PLA2G4B: variants seen among roughly 807,000 people sequenced by gnomAD.
PLA2G4B encodes the protein cytosolic phospholipase A2 beta.
Under a neutral mutation model 95.8 loss-of-function variants are expected in PLA2G4B, and 122 were observed. The observed-to-expected ratio is 1.27, with a 90% CI of 1.10 to 1.48. The LOEUF (loss-of-function observed/expected upper bound fraction) is 1.48, where lower values mean the gene tolerates loss of function less well. Ranked by LOEUF, PLA2G4B falls within the 40% of genes most tolerant of loss-of-function variation. The probability of loss-of-function intolerance (pLI) is 0.00; values close to 1 mark genes in which losing one functional copy is unlikely to be tolerated. For synonymous variants in PLA2G4B, 518 were observed against 421.5 expected (o/e 1.23, Z -2.80); for missense variants, 1,158 against 996.2 (o/e 1.16, Z -2.19).
At chr15:41,844,341 C>A (rs926609029) in intron 11 of PLA2G4B, 130 bp from the exon 12 acceptor site, 14 of 1,471,918 alleles carry the variant, frequency 9.5e-6, no homozygotes, top group East Asian at 2.3e-5. Flanking sequence ...TGACTGAGAA[C>A]TGGTCCCAAG....
At position 41,847,651 on chromosome 15, in the gene PLA2G4B, G is replaced by A. The variant is rs752052744; in HGVS notation, c.2137G>A (p.Val713Ile). The change falls in exon 20 of 20, where the codon GTC (valine) becomes ATC (isoleucine). Residue 713 changes from valine to isoleucine, a missense_variant and splice_region_variant. By Grantham distance (29) the Val-to-Ile change is conservative (BLOSUM62 3). Transcript: ENST00000458483. ...DSFREYSAPG[V>I]RRTPEEAAAG... is the part of the protein sequence containing the mutation. Reference sequence around the variant, plus strand: ...GCCAGGCTGCACTCTCTCCACAGGGGTCCGGCGGACACCCGAGGAGGCGGC... The same window carrying A: ...GCCAGGCTGCACTCTCTCCACAGGGATCCGGCGGACACCCGAGGAGGCGGC... The A allele has an allele frequency of 6.2e-7, 1 of 1,613,498 alleles. No homozygotes were observed. Among genetic ancestry groups the A allele is most frequent in the African/African-American group, 1.3e-5 (1 of 74,918 alleles).
chr15:41,842,185 C>T lies in PLA2G4B; in HGVS notation c.622-8C>T. The T allele has an allele frequency of 1.2e-6, 2 of 1,613,692 alleles. No individual in the cohort carries two copies. Among genetic ancestry groups the T allele is most frequent in the Non-Finnish European group, 1.7e-6 (2 of 1,179,852 alleles). On this transcript the variant is annotated splice_region_variant and splice_polypyrimidine_tract_variant and intron_variant, in intron 8 of 19. Transcript: ENST00000458483. Reference sequence around the variant, plus strand: ...GATTCTTAGGTCTGCATTCTTTGTCCCCTGCAGGATGCCCCCGAGGAGCAA... The same window carrying T: ...GATTCTTAGGTCTGCATTCTTTGTCTCCTGCAGGATGCCCCCGAGGAGCAA...
Position 41,846,816 on chromosome 15 carries a change from A to C in PLA2G4B, c.1928A>C (p.Asn643Thr). ...DVDLILSLDY[N>T]LHGAFQQLQL... ...GACCTCATCCTGTCATTGGACTACA[A>C]CCTCCACGGAGCCTTCCAGGTTGGG... is the stretch of plus-strand genomic sequence containing the variant. Residue 643 changes from asparagine to threonine, a missense_variant, in exon 18 of 20, where the codon AAC becomes ACC. Asn to Thr is a moderately conservative substitution (Grantham distance 65). Coordinates refer to ENST00000458483, the MANE Select transcript of PLA2G4B (RefSeq NM_001114633.2). 1 of 1,611,504 alleles carries C rather than the reference A, an allele frequency of 6.2e-7. No homozygotes were observed. Among genetic ancestry groups the C allele is most frequent in the Non-Finnish European group, 8.5e-7 (1 of 1,178,296 alleles).
intron 11 of PLA2G4B, among the ~76,000 whole-genome samples, chr15:41,844,090 A>G (rs952721603): frequency 1.3e-5 from 2 of 152,200 alleles, no homozygotes; most frequent in Admixed American, 6.5e-5. Context: ...GATATCTGGT[A>G]TGAGGCCTGT....
rs772641276 is a variant in PLA2G4B, at chr15:41,846,180, T to C, written c.1601-23T>C. On this transcript the variant is annotated intron_variant, in intron 16 of 19. Transcript: ENST00000458483. ...GGGGATAAAGGTGCAGGAGTCCCCA[T>C]TTCCCCCACCTTGCCTGTGTAGACA... 27 of 1,603,986 alleles carry C rather than the reference T, an allele frequency of 1.7e-5. No homozygotes were observed. In the African/African-American group the frequency reaches 3.2e-4, roughly 19 times the overall value.
chr15:41,844,789 G>A (rs765294295), intron 12 of PLA2G4B, 59 bp from the exon 13 acceptor site: 2 of 1,546,316 alleles, frequency 1.3e-6, no homozygotes, highest in Non-Finnish European at 1.7e-6. Flanking sequence ...CGGGGCACGT[G>A]GGGTCTAGAC....
rs758475170 is a variant in PLA2G4B, at chr15:41,841,907, C to T, written c.579C>T (p.His193=). The T allele has an allele frequency of 1.2e-6, 2 of 1,613,256 alleles. No homozygotes were observed. The highest frequency in any genetic ancestry group is 1.7e-6 in the Non-Finnish European group (2 of 1,179,878). Residue 193 remains histidine (H), a synonymous_variant, in exon 8 of 20, where the codon CAC becomes CAT. Coordinates refer to ENST00000458483, the MANE Select transcript of PLA2G4B (RefSeq NM_001114633.2). The stretch of plus-strand genomic sequence containing the variant: ...TGGGCACTGGCACCTTCCGCTTCCA[C>T]TGCCCAGCCTGCTGGGAGCAGGAGC... The part of the protein sequence containing the change: ...ASVGTGTFRF[H]CPACWEQELS...
At chr15:41,846,971 CCAGAGGAGCT>C (rs2065567601) in intron 18 of PLA2G4B, 136 bp downstream of exon 18, 2 of 1,225,440 alleles carry the variant, frequency 1.6e-6, no homozygotes, top group South Asian at 1.8e-5. Flanking sequence ...TAATTTGCCA[CCAGAGGAGCT>C]CATTCTTTTC....
intron 18 of PLA2G4B, 146 bp downstream of exon 18, chr15:41,846,981 T>G (rs2065567921): frequency 1.7e-6 from 2 of 1,193,884 alleles, no homozygotes; most frequent in South Asian, 3.7e-5. Context: ...CCAGAGGAGC[T>G]CATTCTTTTC....
rs558766418 is a variant in PLA2G4B at position 41,842,442 on chromosome 15, G to A, written c.706-112G>A. On this transcript the variant is annotated intron_variant, in intron 9 of 19. Coordinates refer to ENST00000458483, the MANE Select transcript of PLA2G4B (RefSeq NM_001114633.2). ...TGAGCATCCCTGCTTCAGGCCTGGC[G>A]CCTGTGGAGACGGTGGCGGGGCGGG... 73 of 1,572,094 alleles carry A rather than the reference G, an allele frequency of 4.6e-5. 1 individual carries two copies. Among genetic ancestry groups the A allele is most frequent in the Middle Eastern group, 4.0e-4 (2 of 4,970 alleles).
chr15:41,844,570 T>C lies in PLA2G4B; in HGVS notation c.979T>C (p.Cys327Arg). ...AGLKELGLLDCVSYITGASGS... is the reference protein window; with the variant it reads ...AGLKELGLLDRVSYITGASGS... Reference sequence around the variant, plus strand: ...CCTGAAGGAGCTGGGCCTCTTGGATTGCGTCTCCTACATCACCGGGGCCTC... The same window carrying C: ...CCTGAAGGAGCTGGGCCTCTTGGATCGCGTCTCCTACATCACCGGGGCCTC... The change falls in exon 12 of 20, where the codon TGC (cysteine) becomes CGC (arginine). Residue 327 changes from cysteine (C) to arginine (R), a missense_variant. Physicochemically the swap from Cys to Arg is radical, Grantham distance 180. Coordinates refer to ENST00000458483, the MANE Select transcript of PLA2G4B (RefSeq NM_001114633.2). 1 of 1,614,166 alleles carries C rather than the reference T, an allele frequency of 6.2e-7. No individual in the cohort carries two copies. Among genetic ancestry groups the C allele is most frequent in the Non-Finnish European group, 8.5e-7 (1 of 1,180,014 alleles).
chr15:41,843,852 T>G, intron 11 of PLA2G4B, 41 bp downstream of exon 11: 1 of 1,605,854 alleles, frequency 6.2e-7, no homozygotes, highest in Non-Finnish European at 8.5e-7. Context: ...CGGGCTTGCT[T>G]GGGCCTAGCT....
chr15:41,841,970 G>A (rs760264485), intron 8 of PLA2G4B, 21 bp downstream of exon 8: 4 of 1,603,258 alleles, frequency 2.5e-6, no homozygotes, highest in East Asian at 2.2e-5. Context: ...TCGCTCCCTC[G>A]AGGTGGGGCC....
At position 41,843,751 on chromosome 15, in the gene PLA2G4B, G is replaced by A; in HGVS notation, c.819G>A (p.Gln273=). The A allele has an allele frequency of 1.2e-6, 2 of 1,614,132 alleles. No homozygotes were observed. The highest frequency in any genetic ancestry group is 1.1e-5 in the South Asian group (1 of 91,082). ...EEQAFLSRRK[Q]VVAAALRQAL... ...AGGCCTTCCTGAGCAGGAGGAAGCA[G>A]GTGGTGGCCGCGGCCTTGAGGCAGG... is the stretch of plus-strand genomic sequence containing the variant. Residue 273 remains glutamine, a synonymous_variant, in exon 11 of 20, where the codon CAG becomes CAA. Transcript: ENST00000458483.
Position 41,841,291 on chromosome 15 carries a change from C to G in PLA2G4B, c.435+18C>G, listed in dbSNP as rs760521682. On this transcript the variant is annotated intron_variant, in intron 6 of 19. Transcript: ENST00000458483. The stretch of plus-strand genomic sequence containing the variant: ...TTCTGGTGGTGAGTGTGCCAGTGCT[C>G]TGGGAGGCGGTCTGGGGTCCCCGGG... The G allele has an allele frequency of 6.2e-7, 1 of 1,612,086 alleles. No homozygotes were observed. The highest frequency in any genetic ancestry group is 8.5e-7 in the Non-Finnish European group (1 of 1,179,974).
rs144031352 is a variant in PLA2G4B at position 41,845,025 on chromosome 15, C to T, written c.1194C>T (p.Phe398=). The change falls in exon 13 of 20, where the codon TTC becomes TTT. Residue 398 remains phenylalanine, a synonymous_variant. Coordinates refer to ENST00000458483, the MANE Select transcript of PLA2G4B (RefSeq NM_001114633.2). The part of the protein sequence containing the change: ...ERARLGYPSC[F]TNLWALINEA... ...CCCGCTTGGGCTACCCAAGCTGCTTCACCAACCTGTGGGCCCTCATCAACG... is the reference window on the plus strand; with the variant it reads ...CCCGCTTGGGCTACCCAAGCTGCTTTACCAACCTGTGGGCCCTCATCAACG... 3.3e-4 allele frequency: 528 copies of T among 1,603,284 alleles called. No individual in the cohort carries two copies. The highest frequency in any genetic ancestry group is 4.3e-4 in the Non-Finnish European group (509 of 1,175,144).
Position 41,838,918 on chromosome 15 carries a change from C to G in PLA2G4B, c.5C>G (p.Ala2Gly). M[A>G]VAEVSRTCLL... ...TGCTCCTGAGGACTCAGTCTCATGG[C>G]TGTGGTAAGGCCTGGCAGGGCCCTG... is the stretch of plus-strand genomic sequence containing the variant. The change falls in exon 1 of 20, where the codon GCT becomes GGT. Residue 2 changes from alanine to glycine, a missense_variant. Coordinates refer to ENST00000458483, the MANE Select transcript of PLA2G4B (RefSeq NM_001114633.2). The G allele has an allele frequency of 6.3e-7, 1 of 1,595,444 alleles. No individual in the cohort carries two copies. Among genetic ancestry groups the G allele is most frequent in the Non-Finnish European group, 8.5e-7 (1 of 1,170,152 alleles).
chr15:41,842,157 A>G, intron 8 of PLA2G4B, 36 bp from the exon 9 acceptor site: 2 of 1,611,890 alleles, frequency 1.2e-6, no homozygotes, highest in Non-Finnish European at 1.7e-6. Context: ...GTGGAAGCGT[A>G]AAGATTCTTA....
intron 18 of PLA2G4B, 49 bp from the exon 19 acceptor site, chr15:41,847,288 G>A: frequency 1.9e-6 from 3 of 1,546,542 alleles, no homozygotes; most frequent in South Asian, 2.4e-5. Flanking sequence ...CCAGTGTTGA[G>A]GATGCCAGGG....
Sources: allele counts gnomAD v4.1 joint callset (sites outside exome capture counted in the v4.1 genomes callset), GRCh38; gene constraint gnomAD v4.1.1; transcripts MANE v1.5; gene names NCBI Gene and HGNC (gene_info 2026-07-23, HGNC 2026-07-21).